Variants in DNAH6 observed in about 807,000 individuals in gnomAD.
DNAH6 encodes dynein axonemal heavy chain 6, also known as axonemal beta dynein heavy chain 6.
DNAH6 carries 340 observed loss-of-function variants against 491.4 expected under a neutral mutation model. That is an observed-to-expected ratio of 0.69 (90% CI 0.63 to 0.76). The LOEUF is 0.76. Ranked by LOEUF, DNAH6 falls within the 30% of genes least tolerant of loss-of-function variation. The probability of loss-of-function intolerance (pLI) is 0.00; values close to 1 mark genes in which losing one functional copy is unlikely to be tolerated. For missense variants in DNAH6, 4,443 were observed against 4,972.2 expected (o/e 0.89, Z 3.20); for synonymous variants, 1,603 against 1,686.1 (o/e 0.95, Z 1.21).
chr2:84,670,300 G>A, intron 38 of DNAH6, 28 bp from the exon 39 acceptor site: 1 of 1,422,396 alleles, frequency 7.0e-7, no homozygotes, highest in Non-Finnish European at 9.6e-7. Flanking sequence ...ATATTCATGT[G>A]ACATTAATTA....
chr2:84,577,301 C>T lies in DNAH6; in HGVS notation c.1969C>T (p.His657Tyr), dbSNP rs1480687487. The change falls in exon 13 of 77, where the codon CAC becomes TAC. Residue 657 changes from histidine (H) to tyrosine (Y), a missense_variant. By Grantham distance (83) the His-to-Tyr change is moderately conservative (BLOSUM62 2). Around this residue, in one of 3 missense-constraint regions of DNAH6, gnomAD observed 2,977 missense variants for 3,296.6 expected, o/e 0.90. Transcript: ENST00000389394. Reference protein sequence around the residue: ...SEQLEKYHKQHKDAVALRPTR... With the variant: ...SEQLEKYHKQYKDAVALRPTR... The stretch of plus-strand genomic sequence containing the variant: ...ACAACTGGAAAAATATCACAAACAG[C>T]ACAAGGACGCAGTAGCGCTCAGACC... 6.2e-7 allele frequency: 1 copy of T among 1,602,342 alleles called. No individual in the cohort carries two copies. The highest frequency in any genetic ancestry group is 1.1e-5 in the South Asian group (1 of 87,674).
intron 61 of DNAH6, among the ~76,000 whole-genome samples, chr2:84,729,167 T>G (rs1009247162): frequency 2.0e-5 from 3 of 152,206 alleles, no homozygotes; most frequent in African/African-American, 7.2e-5. Context: ...TAATCACAGT[T>G]CATATTTACA....
intron 2 of DNAH6, among the ~76,000 whole-genome samples, chr2:84,522,170 T>A (rs891215469): frequency 6.6e-6 from 1 of 152,154 alleles, no homozygotes; most frequent in African/African-American, 2.4e-5. Context: ...TTTGTAATTT[T>A]CATTGTAGAG....
intron 16 of DNAH6, among the ~76,000 whole-genome samples, chr2:84,592,297 C>A (rs569423109): frequency 6.6e-6 from 1 of 151,618 alleles, no homozygotes; most frequent in African/African-American, 2.4e-5. Flanking sequence ...CTTGAATGAA[C>A]ATTTCTCTAA....
intron 3 of DNAH6, among the ~76,000 whole-genome samples, chr2:84,527,016 G>A (rs954517248): frequency 6.6e-6 from 1 of 152,130 alleles, no homozygotes; most frequent in African/African-American, 2.4e-5. Context: ...AGGAATTAAA[G>A]AGAAATATGA....
At chr2:84,623,486 T>TTA (rs923374648) in intron 26 of DNAH6, among the ~76,000 whole-genome samples, 1 of 152,126 alleles carries the variant, frequency 6.6e-6, no homozygotes, top group Non-Finnish European at 1.5e-5. Flanking sequence ...TACAACAACT[T>TTA]TATATATATT....
At position 84,733,455 on chromosome 2, in the gene DNAH6, T is replaced by A. The variant is rs1326147258; in HGVS notation, c.10218T>A (p.Pro3406=). The change falls in exon 62 of 77, where the codon CCT becomes CCA. Residue 3406 remains proline (P), a synonymous_variant. Transcript: ENST00000389394. ...CTGTCTTCAAACAGGAACGCCCACC[T>A]AAGCCTGAAGCTCCCTGGCTACCTA... The part of the protein sequence containing the change: ...GSAGLEKERP[P]KPEAPWLPTA... 1.3e-6 allele frequency: 2 copies of A among 1,551,100 alleles called. No individual in the cohort carries two copies. The highest frequency in any genetic ancestry group is 1.7e-6 in the Non-Finnish European group (2 of 1,146,572).
chr2:84,610,991 T>C (rs1355357518), intron 21 of DNAH6, among the ~76,000 whole-genome samples: 4 of 152,192 alleles, frequency 2.6e-5, no homozygotes, highest in African/African-American at 9.7e-5. Flanking sequence ...GTTGTAACAT[T>C]TGGGCTTACT....
chr2:84,713,329 A>G, intron 57 of DNAH6, 70 bp downstream of exon 57: 2 of 1,470,056 alleles, frequency 1.4e-6, no homozygotes, highest in Admixed American at 4.3e-5. Context: ...CTGAAGTTTG[A>G]TGGGCTCCCA....
At chr2:84,699,457 G>A in intron 47 of DNAH6, 137 bp from the exon 48 acceptor site, 1 of 779,442 alleles carries the variant, frequency 1.3e-6, no homozygotes, top group Non-Finnish European at 2.0e-6. Context: ...AGTGAATGTT[G>A]AACAAGAAAA....
At chr2:84,598,179 C>CTTTCTTTCTTTCTTTCTT (rs1227729370) in intron 18 of DNAH6, among the ~76,000 whole-genome samples, 2 of 70,704 alleles carry the variant, frequency 2.8e-5, no homozygotes, top group Admixed American at 1.9e-4. Context: ...TTCTTTCTTT[C>CTTTCTTTCTTTCTTTCTT]TCTCTTTCTT....
intron 16 of DNAH6, among the ~76,000 whole-genome samples, chr2:84,592,810 T>C (rs1684232388): frequency 6.6e-6 from 1 of 152,178 alleles, no homozygotes; most frequent in South Asian, 2.1e-4. Context: ...GACATTATGC[T>C]TAGTGAAATA....
chr2:84,539,922 G>A (rs1274822204), intron 4 of DNAH6, among the ~76,000 whole-genome samples: 4 of 152,136 alleles, frequency 2.6e-5, no homozygotes, highest in Non-Finnish European at 5.9e-5. Flanking sequence ...TTGAGTCATG[G>A]CAAGGACCAT....
At chr2:84,727,366 G>T (rs376861895) in intron 60 of DNAH6, among the ~76,000 whole-genome samples, 1 of 151,596 alleles carries the variant, frequency 6.6e-6, no homozygotes, top group Non-Finnish European at 1.5e-5. Flanking sequence ...GTTGTGGATA[G>T]GTTCTTGGAA....
the DNAH6 span, among the ~76,000 whole-genome samples, chr2:84,498,493 C>T: frequency 2.3e-4 from 19 of 82,878 alleles, no homozygotes; most frequent in Non-Finnish European, 2.4e-4. Context: ...GAATAGAAAC[C>T]TGCTCAAGTA....
intron 34 of DNAH6, 76 bp from the exon 35 acceptor site, chr2:84,654,583 TA>T (rs1690769828): frequency 6.6e-7 from 1 of 1,517,860 alleles, no homozygotes; most frequent in Admixed American, 2.0e-5. Flanking sequence ...AATCATTTTA[TA>T]AGTGTGAACA....
chr2:84,723,074 A>G (rs1002348542), intron 60 of DNAH6, among the ~76,000 whole-genome samples: 1 of 151,992 alleles, frequency 6.6e-6, no homozygotes, highest in Non-Finnish European at 1.5e-5. Flanking sequence ...CTAAAAATAC[A>G]AAAATTAGCC....
In DNAH6 at chr2:84,628,533, G is replaced by C. The variant is rs1181163216; in HGVS notation, c.4515+3470G>C. Among the ~76,000 whole-genome samples the C allele has an allele frequency of 3.3e-5, 5 of 152,194 alleles. 1 individual carries two copies. In the East Asian group the frequency reaches 9.7e-4, roughly 29 times the overall value. The stretch of plus-strand genomic sequence containing the variant: ...GCCCTAAAGTTTTCCTCAGGATTTG[G>C]TCTACTTTGAAGCTCTTCCTTTCTA... On this transcript the variant is annotated intron_variant, in intron 29 of 76. Transcript: ENST00000389394.
intron 26 of DNAH6, among the ~76,000 whole-genome samples, chr2:84,622,869 C>A: frequency 6.6e-6 from 1 of 152,068 alleles, no homozygotes; most frequent in African/African-American, 2.4e-5. Context: ...TAACAGTCAC[C>A]CTAACAGTTA....
Sources: gnomAD v4.1 joint callset for allele counts (sites outside exome capture counted in the v4.1 genomes callset) on GRCh38, gnomAD v4.1.1 for gene constraint, gnomAD v4.1.1 regional missense constraint, MANE v1.5 for transcripts, NCBI Gene and HGNC (gene_info 2026-07-23, HGNC 2026-07-21) for gene names.